NTSR2: variants seen among roughly 807,000 people sequenced by gnomAD.
NTSR2 encodes neurotensin receptor type 2.
Under a neutral mutation model 24.1 loss-of-function variants are expected in NTSR2, and 22 were observed. The observed-to-expected ratio is 0.91, with a 90% CI of 0.65 to 1.30. The LOEUF is 1.30. Ranked by LOEUF, NTSR2 falls within the 50% of genes most tolerant of loss-of-function variation. NTSR2 has a pLI of 0.00. For missense variants in NTSR2, 570 were observed against 570.4 expected, an observed-to-expected ratio of 1.00 and a Z score of 0.01; for synonymous variants, 291 against 267.0, an observed-to-expected ratio of 1.09 and a Z score of -0.88.
Position 11,669,713 on chromosome 2 carries a change from C to A in NTSR2, c.417G>T (p.Gln139His). 1.3e-6 allele frequency: 2 copies of A among 1,530,510 alleles called. No homozygotes were observed. Among genetic ancestry groups the A allele is most frequent in the Non-Finnish European group, 1.7e-6 (2 of 1,143,524 alleles). 94.8% of individuals were successfully genotyped at this position (1,530,510 alleles called of 1,614,324 possible). The part of the protein sequence containing the change: ...LSAERCLAVC[Q>H]PLRARSLLTP... ...TCAGCAGGCTGCGGGCACGCAGGGG[C>A]TGGCACACGGCTAGGCAGCGCTCGG... The change falls in exon 1 of 4, where the codon CAG becomes CAT. Residue 139 changes from glutamine to histidine, a missense_variant. Gln to His is a conservative substitution (Grantham distance 24). Coordinates refer to ENST00000306928, the MANE Select transcript of NTSR2 (RefSeq NM_012344.4).
rs1661080265 is a variant in NTSR2 at position 11,661,972 on chromosome 2, A to G, written c.893T>C (p.Val298Ala). Residue 298 changes from valine to alanine, a missense_variant, in exon 2 of 4, where the codon GTT becomes GCT. Val to Ala is a moderately conservative substitution (Grantham distance 64). Transcript: ENST00000306928. ...RIRSLQRSVQVLRAIVVMYVI... is the reference protein window; with the variant it reads ...RIRSLQRSVQALRAIVVMYVI... ...GATGTTACAGAGGACTTAACTGAGA[A>G]CCTGGACGCTGCGCTGGAGGCTGCG... is the stretch of plus-strand genomic sequence containing the variant. 1.3e-6 allele frequency: 2 copies of G among 1,586,954 alleles called. No individual in the cohort carries two copies. The highest frequency in any genetic ancestry group is 2.3e-5 in the East Asian group (1 of 43,946).
intron 1 of NTSR2, 77 bp from the exon 2 acceptor site, chr2:11,662,317 C>T (rs568489604): frequency 1.0e-5 from 14 of 1,355,566 alleles, no homozygotes; most frequent in South Asian, 7.7e-5. Flanking sequence ...GCCCCAGACC[C>T]GGAATCTGCA....
In NTSR2 at chr2:11,662,143, G is replaced by A. The variant is rs1262984063; in HGVS notation, c.722C>T (p.Pro241Leu). ...SHLLALCSQV[P>L]STSTPGSSTP... ...GGAGCTGCCCGGGGTAGAAGTGGAC[G>A]GCACTTGGGAGCAGAGGGCCAGCAG... The change falls in exon 2 of 4, where the codon CCG (proline) becomes CTG (leucine). Residue 241 changes from proline (P) to leucine (L), a missense_variant. Pro to Leu is a moderately conservative substitution (Grantham distance 98). Coordinates refer to ENST00000306928, the MANE Select transcript of NTSR2 (RefSeq NM_012344.4). The A allele has an allele frequency of 4.4e-6, 7 of 1,605,932 alleles. No homozygotes were observed. The highest frequency in any genetic ancestry group is 2.2e-5 in the South Asian group (2 of 90,114).
At position 11,670,170 on chromosome 2, in the gene NTSR2, G is replaced by T. The variant is rs565541983; in HGVS notation, c.-41C>A. 9 of 1,357,402 alleles carry T rather than the reference G, an allele frequency of 6.6e-6. No individual in the cohort carries two copies. In the African/African-American group the frequency reaches 1.4e-4, roughly 21 times the overall value. The allele number at this position is 1,357,402 out of a possible 1,614,324, so 84.1% of individuals were successfully genotyped here. On this transcript the variant is annotated 5_prime_UTR_variant, in exon 1 of 4. Transcript: ENST00000306928. ...GGCGCTCCCTCCCTCTCACTGCCCG[G>T]AGTCTGGGCGAGCTGCCTGGTTAGT... is the stretch of plus-strand genomic sequence containing the variant.
intron 1 of NTSR2, among the ~76,000 whole-genome samples, chr2:11,662,851 C>T (rs186550505): frequency 1.3e-4 from 20 of 152,292 alleles, no homozygotes; most frequent in Admixed American, 3.9e-4. Flanking sequence ...AAAGGCTGCC[C>T]GGGTGCCCAG....
In NTSR2 at chr2:11,669,594, T is replaced by C; in HGVS notation, c.536A>G (p.Glu179Gly). The C allele has an allele frequency of 6.3e-7, 1 of 1,583,340 alleles. No homozygotes were observed. Among genetic ancestry groups the C allele is most frequent in the Non-Finnish European group, 8.5e-7 (1 of 1,172,056 alleles). Residue 179 changes from glutamate to glycine, a missense_variant, in exon 1 of 4, where the codon GAA becomes GGA. Physicochemically the swap from Glu to Gly is moderately conservative, Grantham distance 98. Coordinates refer to ENST00000306928, the MANE Select transcript of NTSR2 (RefSeq NM_012344.4). Reference protein sequence around the residue: ...PMAVIMGQKHELETADGEPEP... With the variant: ...PMAVIMGQKHGLETADGEPEP... ...CGGCTCCCCGTCCGCCGTCTCGAGT[T>C]CGTGCTTCTGCCCCATGATGACGGC... is the stretch of plus-strand genomic sequence containing the variant.
chr2:11,666,208 C>T (rs1291129128), intron 1 of NTSR2, among the ~76,000 whole-genome samples: 2 of 152,168 alleles, frequency 1.3e-5, no homozygotes, highest in Non-Finnish European at 2.9e-5. Flanking sequence ...GGGTCTCCAG[C>T]TGGTCGTCTC....
chr2:11,663,074 T>C lies in NTSR2; in HGVS notation c.625-834A>G, dbSNP rs1377048273. Among the ~76,000 whole-genome samples the C allele has an allele frequency of 2.0e-5, 3 of 152,172 alleles. No individual in the cohort carries two copies. The East Asian group carries it at 5.8e-4, about 29-fold the overall frequency. Reference sequence around the variant, plus strand: ...CAATTTGTGAGAAAAATGGCTTCCATCTTAGAATTTTATACCCAGCCATAT... The same window carrying C: ...CAATTTGTGAGAAAAATGGCTTCCACCTTAGAATTTTATACCCAGCCATAT... On this transcript the variant is annotated intron_variant, in intron 1 of 3. Transcript: ENST00000306928.
chr2:11,669,460 G>GGGGGGGGGGGGGGGCCCCCCCCCCCCC, intron 1 of NTSR2, 46 bp downstream of exon 1: 18 of 254,716 alleles, frequency 7.1e-5, no homozygotes, highest in Non-Finnish European at 7.6e-5. Flanking sequence ...TCCCAGCACC[G>GGGGGGGGGGGGGGGCCCCCCCCCCCCC]CCCCCCCACC....
Position 11,660,046 on chromosome 2 carries a change from G to C in NTSR2, c.986C>G (p.Thr329Ser). ...AGGGTCCTTCTGCCACACTCACTCA[G>C]TCCACGCGTCATCAGGTACGTAGCA... ...MYCYVPDDAWTDPLYNFYHYF... is the reference protein window; with the variant it reads ...MYCYVPDDAWSDPLYNFYHYF... The change falls in exon 3 of 4, where the codon ACT becomes AGT. Residue 329 changes from threonine to serine, a missense_variant. Physicochemically the swap from Thr to Ser is moderately conservative, Grantham distance 58. Transcript: ENST00000306928. 6.2e-7 allele frequency: 1 copy of C among 1,613,732 alleles called. No individual in the cohort carries two copies. Among genetic ancestry groups the C allele is most frequent in the Non-Finnish European group, 8.5e-7 (1 of 1,179,766 alleles).
intron 1 of NTSR2, among the ~76,000 whole-genome samples, chr2:11,667,179 G>A (rs1661222141): frequency 6.6e-6 from 1 of 152,178 alleles, no homozygotes; most frequent in Non-Finnish European, 1.5e-5. Context: ...TCTGACCTGA[G>A]ATCTCTGCCC....
At chr2:11,658,783 C>A (rs569838590) in intron 3 of NTSR2, 61 bp from the exon 4 acceptor site, 88 of 1,573,654 alleles carry the variant, frequency 5.6e-5, no homozygotes, top group Non-Finnish European at 7.1e-5. Context: ...GTGTCCACTT[C>A]CTACTGGAGA....
chr2:11,665,874 C>A, intron 1 of NTSR2: 1 of 155,714 alleles, frequency 6.4e-6, no homozygotes, highest in East Asian at 1.7e-4. Flanking sequence ...AGACACGACC[C>A]CAAGTGCCTC....
intron 3 of NTSR2, 39 bp downstream of exon 3, chr2:11,659,993 GCCCAGTTGGGC>G (rs1336976998): frequency 6.6e-6 from 10 of 1,510,608 alleles, no homozygotes; most frequent in Non-Finnish European, 8.3e-6. Context: ...CCCAGGCCTA[GCCCAGTTGGGC>G]CCCCTCCCTG....
At chr2:11,664,980 G>A (rs1326361997) in intron 1 of NTSR2, among the ~76,000 whole-genome samples, 2 of 151,578 alleles carry the variant, frequency 1.3e-5, no homozygotes, top group Non-Finnish European at 2.9e-5. Flanking sequence ...TCATTGCCCT[G>A]GCCAGGTTGA....
intron 1 of NTSR2, among the ~76,000 whole-genome samples, chr2:11,668,385 C>G (rs1661249609): frequency 6.6e-6 from 1 of 152,184 alleles, no homozygotes; most frequent in Admixed American, 6.5e-5. Flanking sequence ...GGCTGGGCTT[C>G]CATCTGCAGG....
chr2:11,659,887 G>C (rs1292848893), intron 3 of NTSR2, among the ~76,000 whole-genome samples, 156 bp downstream of exon 3: 1 of 152,236 alleles, frequency 6.6e-6, no homozygotes, highest in African/African-American at 2.4e-5. Flanking sequence ...CTGGCTGGGA[G>C]ATTTCAAGGC....
intron 3 of NTSR2, 117 bp downstream of exon 3, chr2:11,659,926 G>A (rs778263614): frequency 3.2e-5 from 23 of 723,602 alleles, no homozygotes; most frequent in Admixed American, 2.5e-4. Context: ...GGTGGAATGC[G>A]GTCCAGGATT....
chr2:11,658,772 A>G, intron 3 of NTSR2, 50 bp from the exon 4 acceptor site: 1 of 1,598,380 alleles, frequency 6.3e-7, no homozygotes, highest in Non-Finnish European at 8.5e-7. Flanking sequence ...ACCTCCTCAC[A>G]GTGTCCACTT....
Sources: allele counts gnomAD v4.1 joint callset (sites outside exome capture counted in the v4.1 genomes callset), GRCh38; gene constraint gnomAD v4.1.1; transcripts MANE v1.5; gene names NCBI Gene and HGNC (gene_info 2026-07-23, HGNC 2026-07-21).